The following DLGAP1 variants were observed in gnomAD, a reference collection of about 807,000 sequenced individuals.
DLGAP1 encodes the protein DLG associated protein 1, also known as disks large-associated protein 1.
A neutral mutation model predicts 90.8 loss-of-function variants in DLGAP1; 11 were observed. That is an observed-to-expected ratio of 0.12 (90% CI 0.08 to 0.20). The LOEUF is 0.20. DLGAP1 is among the 10% of genes least tolerant of loss of function. DLGAP1 has a pLI of 1.00. For synonymous variants in DLGAP1, 558 were observed against 540.7 expected, an observed-to-expected ratio of 1.03 and a Z score of -0.44; for missense variants, 1,050 against 1,333.8, an observed-to-expected ratio of 0.79 and a Z score of 3.31.
intron 3 of DLGAP1, among the ~76,000 whole-genome samples, chr18:3,942,553 A>G (rs1198198307): frequency 6.6e-6 from 1 of 152,220 alleles, no homozygotes; most frequent in Non-Finnish European, 1.5e-5. Context: ...ATTTGTGCCA[A>G]CCAAATTTGT....
At chr18:4,387,264 T>TG (rs1298815373) in intron 1 of DLGAP1, among the ~76,000 whole-genome samples, 1 of 152,102 alleles carries the variant, frequency 6.6e-6, no homozygotes, top group African/African-American at 2.4e-5. Flanking sequence ...CTAGATTCTT[T>TG]GGGGAGTAAA....
intron 1 of DLGAP1, among the ~76,000 whole-genome samples, chr18:4,183,974 C>T (rs1433751264): frequency 6.6e-6 from 1 of 152,146 alleles, no homozygotes; most frequent in South Asian, 2.1e-4. Flanking sequence ...GTGCATAATG[C>T]CCACGCAGGA....
chr18:4,046,668 T>A (rs2075059434), intron 2 of DLGAP1, among the ~76,000 whole-genome samples: 1 of 152,210 alleles, frequency 6.6e-6, no homozygotes. Context: ...AGATGTTTTT[T>A]GAAAGAAAAA....
intron 11 of DLGAP1, among the ~76,000 whole-genome samples, chr18:3,506,802 T>G (rs2050252827): frequency 6.6e-6 from 1 of 151,622 alleles, no homozygotes; most frequent in Non-Finnish European, 1.5e-5. Context: ...GAGAATCATG[T>G]TAATTGAGAT....
rs747976476 is a variant in DLGAP1 at position 3,879,061 on chromosome 18, C to G, written c.957+51G>C. ...ACTAGAACCAGGAGAAATGCCCACA[C>G]AAGCATGCCAGGTACTACTTCTAAG... On this transcript the variant is annotated intron_variant, in intron 4 of 12. Transcript: ENST00000315677. The surrounding 1 kb of genome is among the most constrained non-coding windows in gnomAD (Gnocchi z 6.6). 7.1e-7 allele frequency: 1 copy of G among 1,402,484 alleles called. No homozygotes were observed. The highest frequency in any genetic ancestry group is 9.4e-7 in the Non-Finnish European group (1 of 1,061,666). The allele number at this position is 1,402,484 out of a possible 1,614,324, so 86.9% of individuals were successfully genotyped here.
chr18:3,925,143 G>A (rs146082981), intron 3 of DLGAP1, among the ~76,000 whole-genome samples: 3,889 of 152,086 alleles, frequency 0.026, 68 homozygotes, highest in African/African-American at 0.035. Context: ...AGTAGAGATG[G>A]GGTTTCACCA....
At chr18:4,121,492 C>T (rs1428075851) in intron 2 of DLGAP1, among the ~76,000 whole-genome samples, 2 of 152,118 alleles carry the variant, frequency 1.3e-5, no homozygotes, top group Non-Finnish European at 2.9e-5. Context: ...TGATCACTCT[C>T]GATTCTGATC....
At chr18:4,005,441 T>C (rs2074280212) in intron 2 of DLGAP1, among the ~76,000 whole-genome samples, 2 of 152,202 alleles carry the variant, frequency 1.3e-5, no homozygotes, top group Admixed American at 6.5e-5. Flanking sequence ...CTTTGTTGTG[T>C]TTTGGTGATA....
At position 3,540,176 on chromosome 18, in the gene DLGAP1, T is replaced by C. The variant is rs527619036; in HGVS notation, c.2058-5561A>G. On this transcript the variant is annotated intron_variant, in intron 9 of 12. Transcript: ENST00000315677. The stretch of plus-strand genomic sequence containing the variant: ...GGCGTGAGGAGACCGAGATCAAGAA[T>C]TCAAGCTTGGCTGGGTGCAGTGGCT... 3.2e-4 allele frequency among the ~76,000 whole-genome samples: 48 copies of C among 152,034 alleles called. No individual in the cohort carries two copies. The South Asian group carries it at 9.6e-3, about 30-fold the overall frequency.
chr18:3,601,003 G>GATAGAT (rs2056976730), intron 7 of DLGAP1, among the ~76,000 whole-genome samples: 1 of 135,594 alleles, frequency 7.4e-6, no homozygotes, highest in East Asian at 2.1e-4. Flanking sequence ...TAGATATATA[G>GATAGAT]ATATAGATAG....
At chr18:3,790,428 C>T (rs866751854) in intron 5 of DLGAP1, among the ~76,000 whole-genome samples, 43 of 151,760 alleles carry the variant, frequency 2.8e-4, no homozygotes, top group African/African-American at 9.9e-4. Context: ...TCACCATGAC[C>T]GGCTAATTTT....
chr18:3,538,375 C>CAA (rs112805068), intron 9 of DLGAP1, among the ~76,000 whole-genome samples: 1,651 of 102,822 alleles, frequency 0.016, 41 homozygotes, highest in African/African-American at 0.05. Flanking sequence ...TCAAATGAGC[C>CAA]AAAAAAAAAA....
chr18:3,680,969 G>T (rs1202081600), intron 7 of DLGAP1, among the ~76,000 whole-genome samples: 1 of 152,134 alleles, frequency 6.6e-6, no homozygotes, highest in Non-Finnish European at 1.5e-5. Flanking sequence ...AGGCTAAGAA[G>T]GCTTCCTCCC....
chr18:3,551,049 C>T (rs953680242), intron 9 of DLGAP1, among the ~76,000 whole-genome samples: 14 of 151,588 alleles, frequency 9.2e-5, no homozygotes, highest in African/African-American at 3.4e-4. Flanking sequence ...CCCACCAGAA[C>T]CAGACTTATG....
At chr18:4,361,937 T>A (rs2081638878) in intron 1 of DLGAP1, among the ~76,000 whole-genome samples, 1 of 152,144 alleles carries the variant, frequency 6.6e-6, no homozygotes, top group Non-Finnish European at 1.5e-5. Flanking sequence ...TAGATAGACA[T>A]TTCTCCAAGG....
chr18:3,605,943 G>A (rs1223056791), intron 7 of DLGAP1, among the ~76,000 whole-genome samples: 1 of 152,120 alleles, frequency 6.6e-6, no homozygotes, highest in African/African-American at 2.4e-5. Flanking sequence ...TGAAGAAATA[G>A]GAGACTTCAA....
In DLGAP1 at chr18:3,581,867, G is replaced by T; in HGVS notation, c.1965+8C>A. The stretch of plus-strand genomic sequence containing the variant: ...CCTATTTCAAAGGATAGAAAGGGAG[G>T]CTGTTACCTGTATCCCGATAGACAG... On this transcript the variant is annotated splice_region_variant and intron_variant, in intron 8 of 12. Coordinates refer to ENST00000315677, the MANE Select transcript of DLGAP1 (RefSeq NM_004746.4). The T allele has an allele frequency of 6.2e-7, 1 of 1,612,798 alleles. No homozygotes were observed. The highest frequency in any genetic ancestry group is 8.5e-7 in the Non-Finnish European group (1 of 1,178,904).
intron 4 of DLGAP1, among the ~76,000 whole-genome samples, chr18:3,847,435 C>G (rs927276882): frequency 6.6e-6 from 1 of 151,776 alleles, no homozygotes. Context: ...AACAAATCTC[C>G]AAATCTGCAA....
rs1364233731 is a variant in DLGAP1 at position 3,879,268 on chromosome 18, G to A, written c.801C>T (p.Val267=). 1.9e-6 allele frequency: 3 copies of A among 1,599,402 alleles called. No homozygotes were observed. Among genetic ancestry groups the A allele is most frequent in the Non-Finnish European group, 2.6e-6 (3 of 1,172,320 alleles). Residue 267 remains valine, a synonymous_variant, in exon 4 of 13, where the codon GTC becomes GTT. Transcript: ENST00000315677. The surrounding 1 kb of genome is among the most constrained non-coding windows in gnomAD (Gnocchi z 6.6). ...VKCSTCANLP[V]SLDTPLLKKS... is the part of the protein sequence containing the mutation. Reference sequence around the variant, plus strand: ...TCTTCAGCAGCGGGGTGTCCAGGCTGACCGGCAGGTTGGCGCAGGTGGAGC... The same window carrying A: ...TCTTCAGCAGCGGGGTGTCCAGGCTAACCGGCAGGTTGGCGCAGGTGGAGC...
Sources: gnomAD v4.1 joint callset for allele counts (sites outside exome capture counted in the v4.1 genomes callset) on GRCh38, gnomAD v4.1.1 for gene constraint, Gnocchi (gnomAD v3.1) non-coding constraint, MANE v1.5 for transcripts, NCBI Gene and HGNC (gene_info 2026-07-23, HGNC 2026-07-21) for gene names.